ARHGEF11: variants seen among roughly 807,000 people sequenced by gnomAD.
ARHGEF11 encodes the protein Rho guanine nucleotide exchange factor 11, also known as Rho guanine exchange factor (GEF) 11.
A neutral mutation model predicts 193.7 loss-of-function variants in ARHGEF11; 55 were observed. The observed-to-expected ratio is 0.28, with a 90% CI of 0.23 to 0.36. ARHGEF11 has a LOEUF of 0.36. Ranked by LOEUF, ARHGEF11 falls within the 10% of genes least tolerant of loss-of-function variation. ARHGEF11 has a pLI of 1.00. For synonymous variants in ARHGEF11, 693 were observed against 768.0 expected, an observed-to-expected ratio of 0.90 and a Z score of 1.62; for missense variants, 1,723 against 2,005.6, an observed-to-expected ratio of 0.86 and a Z score of 2.69.
In ARHGEF11 at chr1:157,010,581, A is replaced by T. The variant is rs182734443; in HGVS notation, c.33-24408T>A. ...ATTAGCCTGGCTAATTTTTATTTTTAAATTTTTTGTAGAGATGGGTCTTGC... is the reference window on the plus strand; with the variant it reads ...ATTAGCCTGGCTAATTTTTATTTTTTAATTTTTTGTAGAGATGGGTCTTGC... On this transcript the variant is annotated intron_variant, in intron 1 of 40. Transcript: ENST00000368194. 7.6e-3 allele frequency among the ~76,000 whole-genome samples: 366 copies of T among 48,190 alleles called. 2 individuals are homozygous for T. The highest frequency in any genetic ancestry group is 0.016 in the Middle Eastern group (2 of 124). 31.6% of individuals were successfully genotyped at this position (48,190 alleles called of 152,430 possible).
At chr1:157,032,224 A>T (rs1257398112) in intron 1 of ARHGEF11, among the ~76,000 whole-genome samples, 1 of 152,226 alleles carries the variant, frequency 6.6e-6, no homozygotes, top group Non-Finnish European at 1.5e-5. Context: ...GCTTACGTTA[A>T]GCTTACAAAG....
intron 1 of ARHGEF11, among the ~76,000 whole-genome samples, chr1:157,013,145 C>G (rs116604735): frequency 0.013 from 1,952 of 152,052 alleles, 39 homozygotes; most frequent in African/African-American, 0.044. Context: ...TCTGCCAGAC[C>G]TCTAGCCACT....
At chr1:157,045,851 G>A (rs1673267881), upstream of ARHGEF11, among the ~76,000 whole-genome samples, 1 of 150,858 alleles carries the variant, frequency 6.6e-6, no homozygotes, top group Admixed American at 6.6e-5. Context: ...CTCCTTCCCT[G>A]CGAGCCTTTC....
chr1:156,991,269 C>T (rs1665651628), intron 1 of ARHGEF11, among the ~76,000 whole-genome samples: 1 of 152,194 alleles, frequency 6.6e-6, no homozygotes, highest in African/African-American at 2.4e-5. Flanking sequence ...ATCCCAGTAT[C>T]ATCAGTAATG....
chr1:156,947,575 A>T lies in ARHGEF11; in HGVS notation c.2342-125T>A, dbSNP rs956093691. ...GGGGGAACTGAAGTGCCAGTTTCAG[A>T]TCATACAGCAACTTTTCTCTTACTC... On this transcript the variant is annotated intron_variant, in intron 25 of 40. Coordinates refer to ENST00000368194, the MANE Select transcript of ARHGEF11 (RefSeq NM_198236.3). 45 of 1,357,894 alleles carry T rather than the reference A, an allele frequency of 3.3e-5. No homozygotes were observed. In the Admixed American group the frequency reaches 1.0e-3, roughly 30 times the overall value. 84.1% of individuals were successfully genotyped at this position (1,357,894 alleles called of 1,614,324 possible). A position where few individuals can be genotyped will look rare whatever the true frequency, so the allele number is the denominator to read the frequency against.
intron 1 of ARHGEF11, among the ~76,000 whole-genome samples, chr1:157,010,369 C>A (rs967996753): frequency 2.8e-4 from 43 of 151,828 alleles, no homozygotes; most frequent in African/African-American, 9.7e-4. Flanking sequence ...GGAGCCCACA[C>A]AAAAAAATTA....
chr1:156,987,996 C>A (rs2102506193), intron 1 of ARHGEF11, among the ~76,000 whole-genome samples: 1 of 152,288 alleles, frequency 6.6e-6, no homozygotes, highest in Non-Finnish European at 1.5e-5. Flanking sequence ...CATTTTGCTG[C>A]TTAAAACCTT....
At position 156,948,669 on chromosome 1, in the gene ARHGEF11, C is replaced by T. The variant is rs1482776984; in HGVS notation, c.1926-171G>A. On this transcript the variant is annotated intron_variant, in intron 22 of 40. Coordinates refer to ENST00000368194, the MANE Select transcript of ARHGEF11 (RefSeq NM_198236.3). The surrounding 1 kb of genome is among the most constrained non-coding windows in gnomAD (Gnocchi z 4.2). ...GCAGTGGAAGCTTCTCAATGACAGA[C>T]TATTTTTGCTGCTCTACAAACTCCT... 6 of 1,539,156 alleles carry T rather than the reference C, an allele frequency of 3.9e-6. No individual in the cohort carries two copies. The highest frequency in any genetic ancestry group is 3.5e-6 in the Non-Finnish European group (4 of 1,148,018).
rs947112762 is a variant in ARHGEF11, at chr1:156,945,120, C to T, written c.2890G>A (p.Val964Ile). 1.2e-6 allele frequency: 2 copies of T among 1,614,074 alleles called. No individual in the cohort carries two copies. The highest frequency in any genetic ancestry group is 2.7e-5 in the African/African-American group (2 of 74,928). ...CGGTGGCGGTTCTCTGTTTGTTTTA[C>T]CGCTTCATTCACATACTTGAGAATC... ...REILKYVNEA[V>I]KQTENRHRLE... The change falls in exon 30 of 41, where the codon GTA becomes ATA. Residue 964 changes from valine to isoleucine, a missense_variant. Val to Ile is a conservative substitution (Grantham distance 29, BLOSUM62 3). Coordinates refer to ENST00000368194, the MANE Select transcript of ARHGEF11 (RefSeq NM_198236.3).
chr1:156,948,797 G>T lies in ARHGEF11; in HGVS notation c.1926-299C>A. 1 of 985,452 alleles carries T rather than the reference G, an allele frequency of 1.0e-6. No homozygotes were observed. 61.0% of individuals were successfully genotyped at this position (985,452 alleles called of 1,614,324 possible). ...ATGAAATCTGGGGCTAACAGACTCTGAGTTGTAGTGTGTCCAGAGGCCTGA... is the reference window on the plus strand; with the variant it reads ...ATGAAATCTGGGGCTAACAGACTCTTAGTTGTAGTGTGTCCAGAGGCCTGA... On this transcript the variant is annotated intron_variant, in intron 22 of 40. Coordinates refer to ENST00000368194, the MANE Select transcript of ARHGEF11 (RefSeq NM_198236.3). This position sits in a 1 kb window ranked among gnomAD's most constrained non-coding sequence, Gnocchi z 4.2.
chr1:156,937,595 C>T (rs1302404486), intron 38 of ARHGEF11, 99 bp from the exon 39 acceptor site: 34 of 1,299,728 alleles, frequency 2.6e-5, no homozygotes, highest in Non-Finnish European at 3.6e-5. Context: ...ACAGAGCAGG[C>T]CAGGCAGTCC....
chr1:157,042,912 C>T (rs954690587), intron 1 of ARHGEF11, among the ~76,000 whole-genome samples: 11 of 152,206 alleles, frequency 7.2e-5, no homozygotes, highest in African/African-American at 2.4e-4. Flanking sequence ...CTCACCTTGA[C>T]ACACCTCAGT....
chr1:156,999,387 C>G (rs574890346), intron 1 of ARHGEF11, among the ~76,000 whole-genome samples: 1 of 152,232 alleles, frequency 6.6e-6, no homozygotes, highest in South Asian at 2.1e-4. Context: ...CTATCATCCC[C>G]ACGACGAGGG....
intron 3 of ARHGEF11, among the ~76,000 whole-genome samples, chr1:156,982,565 A>T (rs1664334839): frequency 1.3e-5 from 2 of 152,090 alleles, no homozygotes. Flanking sequence ...GCACACACAC[A>T]CAACTCTCAC....
chr1:156,959,924 A>G (rs1379808521), intron 15 of ARHGEF11, among the ~76,000 whole-genome samples: 1 of 77,114 alleles, frequency 1.3e-5, no homozygotes, highest in Admixed American at 1.4e-4. Context: ...AACAAAAATA[A>G]CCCCCCCTCC....
rs1464957897 is a variant in ARHGEF11 at position 156,994,706 on chromosome 1, G to A, written c.33-8533C>T. 2.0e-5 allele frequency among the ~76,000 whole-genome samples: 3 copies of A among 152,182 alleles called. No individual in the cohort carries two copies. The East Asian group carries it at 5.8e-4, about 29-fold the overall frequency. The stretch of plus-strand genomic sequence containing the variant: ...GAATATTCAGCACACAGGACATGTG[G>A]TATGGTTTTAAAAGCACAGCTTTAG... On this transcript the variant is annotated intron_variant, in intron 1 of 40. Coordinates refer to ENST00000368194, the MANE Select transcript of ARHGEF11 (RefSeq NM_198236.3).
chr1:157,013,579 T>C (rs1668834973), intron 1 of ARHGEF11, among the ~76,000 whole-genome samples: 1 of 152,148 alleles, frequency 6.6e-6, no homozygotes, highest in Non-Finnish European at 1.5e-5. Flanking sequence ...TCATTCTGTA[T>C]AGCAAATCTC....
intron 7 of ARHGEF11, among the ~76,000 whole-genome samples, chr1:156,973,175 A>G (rs1662752547): frequency 6.6e-6 from 1 of 152,050 alleles, no homozygotes; most frequent in South Asian, 2.1e-4. Flanking sequence ...GTGATCCTCT[A>G]CTTTGGCCTC....
At chr1:157,019,888 A>T (rs1000487840) in intron 1 of ARHGEF11, among the ~76,000 whole-genome samples, 6 of 152,190 alleles carry the variant, frequency 3.9e-5, no homozygotes, top group African/African-American at 1.4e-4. Context: ...GCACTTTGGG[A>T]GGCCAAGGCA....
Sources: allele counts gnomAD v4.1 joint callset (sites outside exome capture counted in the v4.1 genomes callset), GRCh38; gene constraint gnomAD v4.1.1; non-coding constraint Gnocchi (gnomAD v3.1); transcripts MANE v1.5; gene names NCBI Gene and HGNC (gene_info 2026-07-23, HGNC 2026-07-21).